Variants in KIAA1549 observed in about 807,000 individuals in gnomAD.
KIAA1549 encodes the protein KIAA1549.
Under a neutral mutation model 156.4 loss-of-function variants are expected in KIAA1549, and 70 were observed. The ratio of observed to expected loss-of-function variants is 0.45; its 90% CI spans 0.37 to 0.55. KIAA1549 has a LOEUF of 0.55. Ranked by LOEUF, KIAA1549 falls within the 20% of genes least tolerant of loss-of-function variation. KIAA1549 has a pLI of 0.00. For missense variants in KIAA1549, 2,428 were observed against 2,540.9 expected, an observed-to-expected ratio of 0.96 and a Z score of 0.96; for synonymous variants, 1,103 against 1,066.4, an observed-to-expected ratio of 1.03 and a Z score of -0.67.
chr7:138,889,196 T>A (rs1811482389), intron 10 of KIAA1549, among the ~76,000 whole-genome samples: 1 of 152,210 alleles, frequency 6.6e-6, no homozygotes. Context: ...GAAAAGGAGC[T>A]ACAGATGGCC....
At chr7:138,977,925 C>A (rs993979657) in intron 1 of KIAA1549, among the ~76,000 whole-genome samples, 1 of 152,192 alleles carries the variant, frequency 6.6e-6, no homozygotes. Context: ...GTCTCAAACT[C>A]CTGACCTCAG....
chr7:138,882,087 G>A (rs1422900057), intron 10 of KIAA1549, among the ~76,000 whole-genome samples: 2 of 152,210 alleles, frequency 1.3e-5, no homozygotes, highest in East Asian at 1.9e-4. Flanking sequence ...CTCCAAAAAC[G>A]CCAGCTTCTG....
chr7:138,869,645 G>A lies in KIAA1549; in HGVS notation c.4668C>T (p.Gly1556=), dbSNP rs185850342. ...EFPVVDDLSS[G]DTKERHRVYR... The stretch of plus-strand genomic sequence containing the variant: ...ACACCCGGTGTCGCTCCTTAGTGTC[G>A]CCCGAGGACAGGTCGTCTACCACCG... Residue 1556 remains glycine, a synonymous_variant, in exon 14 of 20, where the codon GGC becomes GGT. Transcript: ENST00000422774. The A allele has an allele frequency of 1.4e-5, 23 of 1,611,242 alleles. No homozygotes were observed. Among genetic ancestry groups the A allele is most frequent in the African/African-American group, 4.0e-5 (3 of 74,856 alleles).
intron 17 of KIAA1549, among the ~76,000 whole-genome samples, chr7:138,848,304 G>C (rs1810136768): frequency 1.3e-5 from 2 of 152,174 alleles, no homozygotes; most frequent in South Asian, 2.1e-4. Context: ...TCACCATTGA[G>C]TAATATTTGC....
intron 1 of KIAA1549, among the ~76,000 whole-genome samples, chr7:138,967,943 C>G (rs1012616965): frequency 6.6e-6 from 1 of 152,206 alleles, no homozygotes; most frequent in Non-Finnish European, 1.5e-5. Context: ...AAGCGAGCAC[C>G]TGTCACGTGC....
At position 138,834,166 on chromosome 7, in the gene KIAA1549, TTTTTTC is replaced by T. The variant is rs897281636; in HGVS notation, c.*3734_*3739del. 2 of 200,590 alleles carry T rather than the reference TTTTTTC, an allele frequency of 1.0e-5. No homozygotes were observed. Among genetic ancestry groups the T allele is most frequent in the Admixed American group, 1.2e-4 (2 of 16,610 alleles). The allele number at this position is 200,590 out of a possible 1,614,324, so 12.4% of individuals were successfully genotyped here. On this transcript the variant is annotated 3_prime_UTR_variant, in exon 20 of 20. Coordinates refer to ENST00000422774, the MANE Select transcript of KIAA1549 (RefSeq NM_001164665.2). ...ATTCATTTATGTCTTTTGAACAAAT[TTTTTTC>T]TTTTTGAGACACAGTCTTGCTCTGT...
chr7:138,878,168 G>A (rs151050282), intron 12 of KIAA1549, among the ~76,000 whole-genome samples: 52 of 152,358 alleles, frequency 3.4e-4, no homozygotes, highest in Non-Finnish European at 7.3e-5. Context: ...AAAGAACCAA[G>A]TGGAAGGAGC....
intron 19 of KIAA1549, among the ~76,000 whole-genome samples, chr7:138,839,837 G>A (rs1563043899): frequency 7.8e-6 from 1 of 129,020 alleles, no homozygotes; most frequent in Non-Finnish European, 1.6e-5. Context: ...ACCCAGGCTG[G>A]AGTGCAGTGG....
In KIAA1549 at chr7:138,903,756, T is replaced by A; in HGVS notation, c.3521-20A>T. 1 of 1,547,412 alleles carries A rather than the reference T, an allele frequency of 6.5e-7. No individual in the cohort carries two copies. Among genetic ancestry groups the A allele is most frequent in the Non-Finnish European group, 8.7e-7 (1 of 1,144,404 alleles). Reference sequence around the variant, plus strand: ...GGAGAACTACATTTAAATGAAAACATACGTGGCACCCAAAACAAGTCAGCA... The same window carrying A: ...GGAGAACTACATTTAAATGAAAACAAACGTGGCACCCAAAACAAGTCAGCA... On this transcript the variant is annotated intron_variant, in intron 7 of 19. Transcript: ENST00000422774.
At chr7:138,891,532 G>C (rs754773401) in intron 10 of KIAA1549, among the ~76,000 whole-genome samples, 1 of 152,162 alleles carries the variant, frequency 6.6e-6, no homozygotes, top group Non-Finnish European at 1.5e-5. Context: ...AATAAGCAAA[G>C]GCTGTGCCTC....
chr7:138,852,635 G>C (rs1461980947), intron 16 of KIAA1549, among the ~76,000 whole-genome samples: 1 of 152,144 alleles, frequency 6.6e-6, no homozygotes, highest in East Asian at 1.9e-4. Flanking sequence ...TTGCTAAAAG[G>C]CAGGCCTGAA....
At chr7:138,892,480 C>T (rs1378383996) in intron 10 of KIAA1549, among the ~76,000 whole-genome samples, 1 of 152,222 alleles carries the variant, frequency 6.6e-6, no homozygotes, top group Non-Finnish European at 1.5e-5. Flanking sequence ...GAAATTCACA[C>T]TATGAATCAT....
chr7:138,919,370 C>T lies in KIAA1549; in HGVS notation c.256G>A (p.Gly86Arg), dbSNP rs941972205. The T allele has an allele frequency of 1.2e-6, 2 of 1,613,848 alleles. No individual in the cohort carries two copies. The highest frequency in any genetic ancestry group is 1.7e-6 in the Non-Finnish European group (2 of 1,179,900). The part of the protein sequence containing the change: ...SMELVLKKST[G>R]HSAAQVALTE... Reference sequence around the variant, plus strand: ...AAGGCCACTTGTGCAGCGCTGTGCCCAGTGCTTTTCTTCAGCACGAGCTCC... The same window carrying T: ...AAGGCCACTTGTGCAGCGCTGTGCCTAGTGCTTTTCTTCAGCACGAGCTCC... Residue 86 changes from glycine (G) to arginine (R), a missense_variant, in exon 2 of 20, where the codon GGG (glycine) becomes AGG (arginine). Coordinates refer to ENST00000422774, the MANE Select transcript of KIAA1549 (RefSeq NM_001164665.2).
chr7:138,968,410 T>C (rs1814100527), intron 1 of KIAA1549, among the ~76,000 whole-genome samples: 1 of 152,192 alleles, frequency 6.6e-6, no homozygotes, highest in African/African-American at 2.4e-5. Flanking sequence ...CTTGTATTAA[T>C]ATTAAACAGA....
chr7:138,906,820 A>C, intron 6 of KIAA1549, 99 bp downstream of exon 6: 2 of 916,332 alleles, frequency 2.2e-6, no homozygotes, highest in Non-Finnish European at 3.1e-6. Context: ...TTTTTAAAAA[A>C]TCAAGTCTTT....
At chr7:138,959,211 A>C (rs1438527495) in intron 1 of KIAA1549, among the ~76,000 whole-genome samples, 1 of 152,192 alleles carries the variant, frequency 6.6e-6, no homozygotes, top group East Asian at 1.9e-4. Flanking sequence ...AAATGACCTT[A>C]ATATAACTCC....
At chr7:138,975,564 A>G (rs980515653) in intron 1 of KIAA1549, among the ~76,000 whole-genome samples, 5 of 152,152 alleles carry the variant, frequency 3.3e-5, no homozygotes, top group African/African-American at 9.7e-5. Flanking sequence ...CCTTTCTTAC[A>G]CCGAGGAGGA....
At chr7:138,889,646 G>A (rs1033656005) in intron 10 of KIAA1549, among the ~76,000 whole-genome samples, 7 of 152,208 alleles carry the variant, frequency 4.6e-5, no homozygotes, top group African/African-American at 1.7e-4. Flanking sequence ...TGTCATAAAT[G>A]AAATATACAA....
intron 1 of KIAA1549, among the ~76,000 whole-genome samples, chr7:138,961,291 T>A (rs1813837910): frequency 6.6e-6 from 1 of 152,356 alleles, no homozygotes; most frequent in East Asian, 1.9e-4. Flanking sequence ...ATCTTGGCGT[T>A]CTTCTTTTGA....
Sources: gnomAD v4.1 joint callset for allele counts (sites outside exome capture counted in the v4.1 genomes callset) on GRCh38, gnomAD v4.1.1 for gene constraint, MANE v1.5 for transcripts, NCBI Gene and HGNC (gene_info 2026-07-23, HGNC 2026-07-21) for gene names.